CRB1: variants seen among roughly 807,000 people sequenced by gnomAD.
CRB1 encodes the protein crumbs cell polarity complex component 1, also known as protein crumbs homolog 1.
In CRB1, 83 loss-of-function variants were observed where a neutral mutation model predicts 120.0. The observed-to-expected ratio is 0.69, with a 90% CI of 0.58 to 0.83. CRB1 has a LOEUF of 0.83. Ranked by LOEUF, CRB1 falls within the 40% of genes least tolerant of loss-of-function variation. The probability of loss-of-function intolerance (pLI) is 0.00; values close to 1 mark genes in which losing one functional copy is unlikely to be tolerated. For synonymous variants in CRB1, 625 were observed against 612.5 expected (o/e 1.02, Z -0.30); for missense variants, 1,699 against 1,687.6 (o/e 1.01, Z -0.12).
chr1:197,343,340 A>C (rs1659578558), intron 2 of CRB1, among the ~76,000 whole-genome samples: 1 of 152,220 alleles, frequency 6.6e-6, no homozygotes, highest in Non-Finnish European at 1.5e-5. Context: ...ACCTGTATGC[A>C]AATGCAATTA....
At chr1:197,473,387 C>T (rs1390473836) in intron 11 of CRB1, among the ~76,000 whole-genome samples, 9 of 152,126 alleles carry the variant, frequency 5.9e-5, no homozygotes, top group African/African-American at 7.2e-5. Context: ...TTGACAGTCT[C>T]ACCATAGAAT....
chr1:197,384,515 C>T (rs1300865842), intron 5 of CRB1, among the ~76,000 whole-genome samples: 5 of 152,114 alleles, frequency 3.3e-5, no homozygotes, highest in Admixed American at 1.3e-4. Context: ...AAGCTGAGAG[C>T]ATATTATCCT....
At chr1:197,468,298 G>A (rs2125558823) in intron 11 of CRB1, among the ~76,000 whole-genome samples, 1 of 151,718 alleles carries the variant, frequency 6.6e-6, no homozygotes, top group African/African-American at 2.4e-5. Context: ...TTATATAGCT[G>A]CCCCACCCCC....
At chr1:197,322,079 A>G (rs1658229389) in intron 1 of CRB1, among the ~76,000 whole-genome samples, 1 of 152,196 alleles carries the variant, frequency 6.6e-6, no homozygotes, top group African/African-American at 2.4e-5. Context: ...TTAATCACAT[A>G]TGGCTTTTGA....
intron 11 of CRB1, among the ~76,000 whole-genome samples, chr1:197,449,198 C>A (rs1362770242): frequency 1.3e-5 from 2 of 152,086 alleles, no homozygotes; most frequent in African/African-American, 2.4e-5. Context: ...ACACCTAGGT[C>A]ATTTTGTGAT....
the CRB1 span, among the ~76,000 whole-genome samples, chr1:197,213,823 C>T: frequency 6.6e-6 from 1 of 151,992 alleles, no homozygotes; most frequent in African/African-American, 2.4e-5. Context: ...AATTTAAAAA[C>T]ATATTGATAC....
chr1:197,279,274 A>G (rs542044583), intron 1 of CRB1, among the ~76,000 whole-genome samples: 3 of 151,962 alleles, frequency 2.0e-5, no homozygotes, highest in Admixed American at 6.6e-5. Context: ...TACATTTTAT[A>G]TATCAATGCC....
At chr1:197,240,854 C>T in the CRB1 span, among the ~76,000 whole-genome samples, 1 of 152,192 alleles carries the variant, frequency 6.6e-6, no homozygotes, top group East Asian at 1.9e-4. Flanking sequence ...GTCCCTATTT[C>T]TCCACATCCT....
intron 5 of CRB1, among the ~76,000 whole-genome samples, chr1:197,391,635 A>G (rs1403316987): frequency 6.6e-6 from 1 of 152,058 alleles, no homozygotes; most frequent in Non-Finnish European, 1.5e-5. Context: ...GCATCCTGGA[A>G]CTTTATAATA....
chr1:197,442,182 G>A lies in CRB1; in HGVS notation c.3895G>A (p.Asp1299Asn). ...FTGEWCEKDIDECASDPCVNG... is the reference protein window; with the variant it reads ...FTGEWCEKDINECASDPCVNG... The stretch of plus-strand genomic sequence containing the variant: ...ATTTTGAAGGTGTGAAAAGGACATT[G>A]ATGAGTGTGCCTCTGATCCGTGTGT... Residue 1299 changes from aspartate to asparagine, a missense_variant, in exon 11 of 12, where the codon GAT becomes AAT. Transcript: ENST00000367400. The A allele has an allele frequency of 6.2e-7, 1 of 1,614,130 alleles. No homozygotes were observed. The highest frequency in any genetic ancestry group is 8.5e-7 in the Non-Finnish European group (1 of 1,180,016).
At chr1:197,396,374 C>T (rs900481388) in intron 5 of CRB1, among the ~76,000 whole-genome samples, 9 of 152,054 alleles carry the variant, frequency 5.9e-5, no homozygotes, top group African/African-American at 9.7e-5. Flanking sequence ...AAATACTCAA[C>T]GTTGCTAAAA....
rs1018352539 is a variant in CRB1, at chr1:197,453,843, ATAT to A, written c.4005+11560_4005+11562del. The stretch of plus-strand genomic sequence containing the variant: ...ATTATTAATTATTAATATATTATCA[ATAT>A]TATTATTAATATATATTAATATTAT... On this transcript the variant is annotated intron_variant, in intron 11 of 11. Transcript: ENST00000367400. Among the ~76,000 whole-genome samples, 820 of 142,014 alleles carry A rather than the reference ATAT, an allele frequency of 5.8e-3. 13 individuals are homozygous for A. Among genetic ancestry groups the A allele is most frequent in the African/African-American group, 0.018 (706 of 38,478 alleles). The allele number at this position is 142,014 out of a possible 152,430, so 93.2% of individuals were successfully genotyped here.
chr1:197,354,746 G>A (rs1310329461), intron 4 of CRB1, among the ~76,000 whole-genome samples: 1 of 130,874 alleles, frequency 7.6e-6, no homozygotes, highest in Non-Finnish European at 1.6e-5. Flanking sequence ...CCTCCACAGT[G>A]TACAACATGA....
intron 4 of CRB1, among the ~76,000 whole-genome samples, chr1:197,350,091 A>G (rs1352303448): frequency 2.0e-5 from 3 of 147,344 alleles, no homozygotes; most frequent in African/African-American, 7.7e-5. Context: ...TGGGCGACAG[A>G]GCGAGACTCC....
the CRB1 span, among the ~76,000 whole-genome samples, chr1:197,221,531 T>C: frequency 4.0e-4 from 61 of 152,280 alleles, no homozygotes; most frequent in South Asian, 0.012. Flanking sequence ...GTCATAAACA[T>C]TTTTTACACT....
intron 5 of CRB1, among the ~76,000 whole-genome samples, chr1:197,382,039 C>T (rs1352174130): frequency 1.3e-5 from 2 of 152,098 alleles, no homozygotes; most frequent in African/African-American, 4.8e-5. Flanking sequence ...GCTGGGCAGT[C>T]CCTTAGGAAG....
chr1:197,415,712 G>A (rs1373295194), intron 5 of CRB1, among the ~76,000 whole-genome samples: 17 of 135,824 alleles, frequency 1.3e-4, no homozygotes, highest in Middle Eastern at 8.5e-3. Context: ...GTTTGATCTC[G>A]GCTCACTGCG....
At chr1:197,272,942 A>G (rs576297371) in intron 1 of CRB1, among the ~76,000 whole-genome samples, 1 of 152,236 alleles carries the variant, frequency 6.6e-6, no homozygotes, top group Non-Finnish European at 1.5e-5. Flanking sequence ...GAAGTAATTC[A>G]GACTCTGACT....
chr1:197,360,485 T>C (rs1166962382), intron 5 of CRB1: 1 of 152,208 alleles, frequency 6.6e-6, no homozygotes, highest in East Asian at 1.9e-4. Flanking sequence ...TCTATGTGAG[T>C]AAAGCATTGT....
Sources: gnomAD v4.1 joint callset for allele counts (sites outside exome capture counted in the v4.1 genomes callset) on GRCh38, gnomAD v4.1.1 for gene constraint, MANE v1.5 for transcripts, NCBI Gene and HGNC (gene_info 2026-07-23, HGNC 2026-07-21) for gene names.